ADAMTS13: variants seen among roughly 807,000 people sequenced by gnomAD.
ADAMTS13 encodes A disintegrin and metalloproteinase with thrombospondin motifs 13.
ADAMTS13 carries 110 observed loss-of-function variants against 155.1 expected under a neutral mutation model. The ratio of observed to expected loss-of-function variants is 0.71; its 90% CI spans 0.61 to 0.83. The LOEUF (loss-of-function observed/expected upper bound fraction) is 0.83. ADAMTS13 is among the 40% of genes least tolerant of loss of function. The pLI is 0.00. For missense variants in ADAMTS13, 1,707 were observed against 1,891.7 expected (o/e 0.90, Z 1.81); for synonymous variants, 758 against 756.4 (o/e 1.00, Z -0.03).
rs782511560 is a variant in ADAMTS13 at position 133,455,552 on chromosome 9, C to T, written c.3400+117C>T. On this transcript the variant is annotated intron_variant, in intron 25 of 28. Transcript: ENST00000355699. ...CCGGGGCCTGCTCTTCTCCCCGGCTCCCCAGCCTCGGCGGCTCCTGCCCGG... is the reference window on the plus strand; with the variant it reads ...CCGGGGCCTGCTCTTCTCCCCGGCTTCCCAGCCTCGGCGGCTCCTGCCCGG... 2.4e-5 allele frequency: 38 copies of T among 1,609,500 alleles called. No individual in the cohort carries two copies. In the South Asian group the frequency reaches 3.7e-4, roughly 16 times the overall value.
Position 133,455,468 on chromosome 9 carries a change from G to A in ADAMTS13, c.3400+33G>A, listed in dbSNP as rs782270256. 82 of 1,612,400 alleles carry A rather than the reference G, an allele frequency of 5.1e-5. No individual in the cohort carries two copies. In the South Asian group the frequency reaches 5.5e-4, roughly 11 times the overall value. ...CAGCCTGGTGCCCCACGAAGAAGCC[G>A]CTGCTCCAGGACGGACCACAGCCAC... On this transcript the variant is annotated intron_variant, in intron 25 of 28. Coordinates refer to ENST00000355699, the MANE Select transcript of ADAMTS13 (RefSeq NM_139027.6).
rs2130881110 is a variant in ADAMTS13 at position 133,443,455 on chromosome 9, G to T, written c.2314G>T (p.Ala772Ser). The part of the protein sequence containing the change: ...LRERPVRCVE[A>S]QGSLLKTLPP... ...GGAGCGGCCAGTGCGCTGCGTGGAG[G>T]CCCAGGGCAGCCTCCTGAAGACATT... The change falls in exon 19 of 29, where the codon GCC (alanine) becomes TCC (serine). Residue 772 changes from alanine to serine, a missense_variant. Ala to Ser is a moderately conservative substitution (Grantham distance 99). Coordinates refer to ENST00000355699, the MANE Select transcript of ADAMTS13 (RefSeq NM_139027.6). The T allele has an allele frequency of 6.3e-7, 1 of 1,592,124 alleles. No homozygotes were observed.
intron 1 of ADAMTS13, chr9:133,414,931 A>C: frequency 6.2e-7 from 1 of 1,613,586 alleles, no homozygotes; most frequent in Non-Finnish European, 8.5e-7. Flanking sequence ...TTTGCTGGAT[A>C]ATTTTGGGCT....
chr9:133,457,795 C>G, intron 27 of ADAMTS13, 115 bp from the exon 28 acceptor site: 1 of 1,384,876 alleles, frequency 7.2e-7, no homozygotes, highest in South Asian at 1.2e-5. Context: ...GCCTGGGAAC[C>G]CCAATATTGA....
chr9:133,419,745 T>A, upstream of ADAMTS13, among the ~76,000 whole-genome samples: 1 of 152,128 alleles, frequency 6.6e-6, no homozygotes, highest in East Asian at 1.9e-4. Context: ...TTTCTTTTTT[T>A]TTGTTTGTTT....
chr9:133,443,595 C>T (rs1234449432), intron 19 of ADAMTS13, 34 bp downstream of exon 19: 7 of 1,515,758 alleles, frequency 4.6e-6, no homozygotes, highest in Non-Finnish European at 5.3e-6. Context: ...TGGGAGAGGG[C>T]CTTCCTGGCA....
upstream of ADAMTS13, chr9:133,417,889 G>A (rs1554782105): frequency 1.3e-6 from 2 of 1,555,170 alleles, no homozygotes; most frequent in Admixed American, 1.9e-5. Context: ...CCGAGACCCC[G>A]GCCTCCCCGG....
At chr9:133,432,974 G>T (rs1183257038) in intron 9 of ADAMTS13, among the ~76,000 whole-genome samples, 2 of 140,094 alleles carry the variant, frequency 1.4e-5, no homozygotes, top group African/African-American at 6.2e-5. Context: ...GTGGATATGG[G>T]GTGTCTCGGG....
rs1488766702 is a variant in ADAMTS13 at position 133,456,441 on chromosome 9, TGGGAGAGGTGG to T, written c.3548-100_3548-90del. The T allele has an allele frequency of 6.8e-7, 1 of 1,461,718 alleles. No individual in the cohort carries two copies. The highest frequency in any genetic ancestry group is 9.4e-7 in the Non-Finnish European group (1 of 1,068,356). 90.5% of individuals were successfully genotyped at this position (1,461,718 alleles called of 1,614,324 possible). A position where few individuals can be genotyped will look rare whatever the true frequency, so the allele number is the denominator to read the frequency against. ...TTACTTAGAGTCACATAGCCAGCAG[TGGGAGAGGTGG>T]GACTTGAACTCGGCTCAGTCTACCC... On this transcript the variant is annotated intron_variant, in intron 26 of 28. Transcript: ENST00000355699. The surrounding 1 kb of genome is among the most constrained non-coding windows in gnomAD (Gnocchi z 4.4).
intron 1 of ADAMTS13, among the ~76,000 whole-genome samples, chr9:133,415,438 G>C (rs1839528598): frequency 6.6e-6 from 1 of 151,474 alleles, no homozygotes; most frequent in Non-Finnish European, 1.5e-5. Flanking sequence ...AGATTCCCTG[G>C]TTTGCTACTG....
intron 1 of ADAMTS13, among the ~76,000 whole-genome samples, chr9:133,416,130 C>T (rs587715198): frequency 1.6e-4 from 24 of 152,198 alleles, no homozygotes; most frequent in Admixed American, 5.2e-4. Context: ...CTGGTGAGGC[C>T]GAAGGAAGCT....
At chr9:133,422,718 A>C (rs1840030616) in intron 1 of ADAMTS13, among the ~76,000 whole-genome samples, 170 bp downstream of exon 1, 1 of 152,002 alleles carries the variant, frequency 6.6e-6, no homozygotes, top group African/African-American at 2.4e-5. Flanking sequence ...CTCACTGAAG[A>C]GGGAGTTGGT....
chr9:133,456,095 C>G lies in ADAMTS13; in HGVS notation c.3427C>G (p.Pro1143Ala), dbSNP rs782726688. ...QGACGRQHLE[P>A]TGTIDMRGPG... Reference sequence around the variant, plus strand: ...TGCCTGTGGCAGGCAGCACCTTGAGCCAACAGGAACCATTGACATGCGAGG... The same window carrying G: ...TGCCTGTGGCAGGCAGCACCTTGAGGCAACAGGAACCATTGACATGCGAGG... Residue 1143 changes from proline to alanine, a missense_variant, in exon 26 of 29, where the codon CCA becomes GCA. Coordinates refer to ENST00000355699, the MANE Select transcript of ADAMTS13 (RefSeq NM_139027.6). The surrounding 1 kb of genome is among the most constrained non-coding windows in gnomAD (Gnocchi z 4.4). The G allele has an allele frequency of 6.2e-7, 1 of 1,613,286 alleles. No individual in the cohort carries two copies. The highest frequency in any genetic ancestry group is 8.5e-7 in the Non-Finnish European group (1 of 1,180,032).
At position 133,440,318 on chromosome 9, in the gene ADAMTS13, A is replaced by G. The variant is rs2073932; in HGVS notation, c.1787-26A>G. The stretch of plus-strand genomic sequence containing the variant: ...GGAGGATGGGTGCTCAGCTCCACAC[A>G]GCTAACAGGGCTGGTTCCCCGACAG... On this transcript the variant is annotated intron_variant, in intron 15 of 28. Coordinates refer to ENST00000355699, the MANE Select transcript of ADAMTS13 (RefSeq NM_139027.6). This position sits in a 1 kb window ranked among gnomAD's most constrained non-coding sequence, Gnocchi z 4.3. 897,868 of 1,613,196 alleles carry G rather than the reference A, an allele frequency of 0.56. 255,900 individuals are homozygous for G. The highest frequency in any genetic ancestry group is 0.65 in the African/African-American group (48,369 of 74,962).
Position 133,429,927 on chromosome 9 carries a change from G to A in ADAMTS13, c.825-12G>A. On this transcript the variant is annotated splice_polypyrimidine_tract_variant and intron_variant, in intron 7 of 28. Coordinates refer to ENST00000355699, the MANE Select transcript of ADAMTS13 (RefSeq NM_139027.6). ...CGGGACTGAGCCGGGCCTGAGCCGG[G>A]CCTTGTCGCAGCGCAGGACGGGCGC... 6.5e-7 allele frequency: 1 copy of A among 1,534,870 alleles called. No individual in the cohort carries two copies. Among genetic ancestry groups the A allele is most frequent in the Non-Finnish European group, 8.7e-7 (1 of 1,145,556 alleles).
At position 133,439,400 on chromosome 9, in the gene ADAMTS13, G is replaced by C; in HGVS notation, c.1740G>C (p.Leu580=). ...YVTFLTVTPN[L]TSVYIANHRP... is the part of the protein sequence containing the mutation. Reference sequence around the variant, plus strand: ...CGTTTCTGACAGTTACCCCCAACCTGACCAGTGTCTACATTGCCAACCACA... The same window carrying C: ...CGTTTCTGACAGTTACCCCCAACCTCACCAGTGTCTACATTGCCAACCACA... The change falls in exon 15 of 29, where the codon CTG becomes CTC. Residue 580 remains leucine, a synonymous_variant. Coordinates refer to ENST00000355699, the MANE Select transcript of ADAMTS13 (RefSeq NM_139027.6). The C allele has an allele frequency of 6.2e-7, 1 of 1,614,068 alleles. No homozygotes were observed. The highest frequency in any genetic ancestry group is 8.5e-7 in the Non-Finnish European group (1 of 1,179,948).
In ADAMTS13 at chr9:133,459,269, T is replaced by C; in HGVS notation, c.*89T>C. 2 of 1,306,900 alleles carry C rather than the reference T, an allele frequency of 1.5e-6. No homozygotes were observed. Among genetic ancestry groups the C allele is most frequent in the Non-Finnish European group, 2.2e-6 (2 of 928,756 alleles). The allele number at this position is 1,306,900 out of a possible 1,614,324, so 81.0% of individuals were successfully genotyped here. ...TTTCCAATTCGAACTTTTTCCAATC[T>C]TAGGTATCTACTTTAGAGTCTTCTC... is the stretch of plus-strand genomic sequence containing the variant. On this transcript the variant is annotated 3_prime_UTR_variant, in exon 29 of 29. Transcript: ENST00000355699.
upstream of ADAMTS13, among the ~76,000 whole-genome samples, chr9:133,420,458 CAAAG>C (rs1389681562): frequency 6.6e-6 from 1 of 152,226 alleles, no homozygotes; most frequent in Non-Finnish European, 1.5e-5. Flanking sequence ...ACAAAGAGAA[CAAAG>C]AAAGAGGTCG....
intron 25 of ADAMTS13, chr9:133,455,798 A>G: frequency 1.2e-6 from 1 of 853,896 alleles, no homozygotes; most frequent in Non-Finnish European, 1.8e-6. Flanking sequence ...AGTAACTTGA[A>G]GGTAGGAACC....
Sources: allele counts gnomAD v4.1 joint callset (sites outside exome capture counted in the v4.1 genomes callset), GRCh38; gene constraint gnomAD v4.1.1; non-coding constraint Gnocchi (gnomAD v3.1); transcripts MANE v1.5; gene names NCBI Gene and HGNC (gene_info 2026-07-23, HGNC 2026-07-21).